The following ARFGEF2 variants were observed in gnomAD, a reference collection of about 807,000 sequenced individuals.
ARFGEF2 encodes the protein ARF guanine nucleotide exchange factor 2, also known as brefeldin A-inhibited guanine nucleotide-exchange protein 2.
A neutral mutation model predicts 219.9 loss-of-function variants in ARFGEF2; 74 were observed. The ratio of observed to expected loss-of-function variants is 0.34; its 90% CI spans 0.28 to 0.41. ARFGEF2 has a LOEUF of 0.41. Among genes scored for constraint, ARFGEF2 ranks in the 10% least tolerant of loss-of-function variants. The pLI is 1.00. For missense variants in ARFGEF2, 1,743 were observed against 2,218.3 expected (o/e 0.79, Z 4.30); for synonymous variants, 733 against 799.2 (o/e 0.92, Z 1.40).
intron 26 of ARFGEF2, among the ~76,000 whole-genome samples, chr20:49,006,706 G>T (rs2091461892): frequency 6.6e-6 from 1 of 152,190 alleles, no homozygotes; most frequent in Non-Finnish European, 1.5e-5. Flanking sequence ...CCCGTAGCAG[G>T]TAGTGCTTGG....
intron 22 of ARFGEF2, 81 bp from the exon 23 acceptor site, chr20:48,995,702 G>C: frequency 8.5e-7 from 1 of 1,180,546 alleles, no homozygotes; most frequent in East Asian, 2.3e-5. Context: ...CCCTGTCCCT[G>C]CGTGTTGACA....
chr20:49,022,154 CAAAAAAAA>C (rs58870256), intron 34 of ARFGEF2, among the ~76,000 whole-genome samples: 1 of 70,210 alleles, frequency 1.4e-5, no homozygotes, highest in East Asian at 4.0e-4. Flanking sequence ...GACTCCGTCT[CAAAAAAAA>C]AAAAAAAAAA....
At chr20:48,987,880 C>A (rs893078022) in intron 16 of ARFGEF2, among the ~76,000 whole-genome samples, 2 of 152,130 alleles carry the variant, frequency 1.3e-5, no homozygotes, top group Non-Finnish European at 2.9e-5. Context: ...CTCCACCTCC[C>A]GGGTTCAGGC....
At chr20:48,997,567 C>T (rs2091399834) in intron 23 of ARFGEF2, among the ~76,000 whole-genome samples, 1 of 152,180 alleles carries the variant, frequency 6.6e-6, no homozygotes, top group South Asian at 2.1e-4. Context: ...GCCACTGCGC[C>T]TGGGCTCCCC....
In ARFGEF2 at chr20:49,034,228, T is replaced by G. The variant is rs2091653839; in HGVS notation, c.*1029T>G. The G allele has an allele frequency of 6.6e-6, 1 of 152,228 alleles. No homozygotes were observed. Among genetic ancestry groups the G allele is most frequent in the South Asian group, 2.1e-4 (1 of 4,834 alleles). The allele number at this position is 152,228 out of a possible 1,614,324, so 9.4% of individuals were successfully genotyped here. A position where few individuals can be genotyped will look rare whatever the true frequency, so the allele number is the denominator to read the frequency against. On this transcript the variant is annotated 3_prime_UTR_variant, in exon 39 of 39. Coordinates refer to ENST00000371917, the MANE Select transcript of ARFGEF2 (RefSeq NM_006420.3). The stretch of plus-strand genomic sequence containing the variant: ...GCATGAGAAGCCGCTCCCATAAGCC[T>G]CCTCAGCCAGATGTCATGGGTGGAA...
At chr20:48,980,035 G>C (rs976470648) in intron 14 of ARFGEF2, among the ~76,000 whole-genome samples, 5 of 151,780 alleles carry the variant, frequency 3.3e-5, no homozygotes, top group African/African-American at 1.2e-4. Flanking sequence ...TTTTGAATTT[G>C]TTTGTTCTTG....
At chr20:48,939,383 G>A (rs1011012928) in intron 1 of ARFGEF2, among the ~76,000 whole-genome samples, 6 of 152,084 alleles carry the variant, frequency 3.9e-5, no homozygotes, top group Non-Finnish European at 7.4e-5. Context: ...CTCTAACAAG[G>A]TAATGGTGAT....
At chr20:48,950,094 G>T (rs1477404275) in intron 3 of ARFGEF2, among the ~76,000 whole-genome samples, 2 of 152,100 alleles carry the variant, frequency 1.3e-5, no homozygotes, top group African/African-American at 4.8e-5. Context: ...TCCTGCTGCT[G>T]ACCTTTGAGG....
chr20:48,971,034 G>C (rs774757432), intron 9 of ARFGEF2, 86 bp from the exon 10 acceptor site: 5 of 1,090,438 alleles, frequency 4.6e-6, no homozygotes, highest in Non-Finnish European at 7.1e-6. Flanking sequence ...TCTACTCATT[G>C]GTAAAGGAGC....
chr20:48,956,545 A>G (rs368321048), intron 6 of ARFGEF2, among the ~76,000 whole-genome samples: 5 of 152,118 alleles, frequency 3.3e-5, no homozygotes, highest in African/African-American at 4.8e-5. Flanking sequence ...AGAATTACCT[A>G]TGTGTTTGTG....
intron 13 of ARFGEF2, among the ~76,000 whole-genome samples, chr20:48,975,174 C>T (rs115925260): frequency 0.013 from 1,933 of 152,158 alleles, 51 homozygotes; most frequent in African/African-American, 0.044. Flanking sequence ...GTACGTAAGT[C>T]TGTTTCTGGA....
At chr20:48,973,080 G>C (rs1600624055) in intron 11 of ARFGEF2, 65 bp from the exon 12 acceptor site, 2 of 1,597,308 alleles carry the variant, frequency 1.3e-6, no homozygotes, top group Non-Finnish European at 1.7e-6. Context: ...CAAACATCTT[G>C]TTTGATAAGA....
At position 48,985,412 on chromosome 20, in the gene ARFGEF2, A is replaced by G; in HGVS notation, c.2075A>G (p.Gln692Arg). 6.2e-7 allele frequency: 1 copy of G among 1,614,188 alleles called. No homozygotes were observed. The highest frequency in any genetic ancestry group is 8.5e-7 in the Non-Finnish European group (1 of 1,180,036). The stretch of plus-strand genomic sequence containing the variant: ...AAGTGAGTGTGTATGTTTCAGACCC[A>G]AGTAGGCGATTTTCTGGGAGATAGC... Reference protein sequence around the residue: ...LHQEERLDSTQVGDFLGDSAR... With the variant: ...LHQEERLDSTRVGDFLGDSAR... Residue 692 changes from glutamine (Q) to arginine (R), a missense_variant, in exon 16 of 39, where the codon CAA (glutamine) becomes CGA (arginine). Gln to Arg is a conservative substitution (Grantham distance 43). Coordinates refer to ENST00000371917, the MANE Select transcript of ARFGEF2 (RefSeq NM_006420.3).
chr20:48,975,800 C>CAAAAAAAAAAAAAAAAAA, intron 13 of ARFGEF2, among the ~76,000 whole-genome samples: 1 of 112,188 alleles, frequency 8.9e-6, no homozygotes, highest in Non-Finnish European at 1.7e-5. Flanking sequence ...GACTCCATCT[C>CAAAAAAAAAAAAAAAAAA]AAAAAAAAAA....
intron 8 of ARFGEF2, among the ~76,000 whole-genome samples, chr20:48,967,763 C>T (rs1273673523): frequency 6.6e-6 from 1 of 152,182 alleles, no homozygotes; most frequent in Non-Finnish European, 1.5e-5. Flanking sequence ...CCCATTCCCT[C>T]ATTAAAACTA....
At chr20:48,962,359 G>A (rs1433552292) in intron 6 of ARFGEF2, among the ~76,000 whole-genome samples, 1 of 152,072 alleles carries the variant, frequency 6.6e-6, no homozygotes, top group African/African-American at 2.4e-5. Context: ...ACATAATGAC[G>A]GCTATGATGT....
intron 1 of ARFGEF2, among the ~76,000 whole-genome samples, chr20:48,925,820 G>T (rs982797100): frequency 3.3e-5 from 5 of 152,152 alleles, no homozygotes; most frequent in Non-Finnish European, 7.3e-5. Flanking sequence ...CGAGACAGCA[G>T]GGTGAGACCC....
intron 26 of ARFGEF2, among the ~76,000 whole-genome samples, chr20:49,005,690 A>T (rs1407165824): frequency 1.4e-5 from 2 of 139,180 alleles, no homozygotes; most frequent in Non-Finnish European, 3.1e-5. Context: ...GTGAGCCAAG[A>T]TTGCGCCACT....
intron 27 of ARFGEF2, 86 bp from the exon 28 acceptor site, chr20:49,011,838 T>C: frequency 7.6e-7 from 1 of 1,320,812 alleles, no homozygotes; most frequent in South Asian, 1.2e-5. Context: ...TGTATGTGTG[T>C]GTGTGTGTGT....
Sources: allele counts gnomAD v4.1 joint callset (sites outside exome capture counted in the v4.1 genomes callset), GRCh38; gene constraint gnomAD v4.1.1; transcripts MANE v1.5; gene names NCBI Gene and HGNC (gene_info 2026-07-23, HGNC 2026-07-21).